The following SPEN variants were observed in gnomAD, a reference collection of about 807,000 sequenced individuals.
SPEN encodes the protein msx2-interacting protein.
A neutral mutation model predicts 269.9 loss-of-function variants in SPEN; 18 were observed. The ratio of observed to expected loss-of-function variants is 0.07; its 90% CI spans 0.05 to 0.10. SPEN has a LOEUF of 0.10. Among genes scored for constraint, SPEN ranks in the 10% least tolerant of loss-of-function variants. The pLI is 1.00. For missense variants in SPEN, 3,822 were observed against 4,631.2 expected (o/e 0.83, Z 5.07); for synonymous variants, 1,726 against 1,765.7 (o/e 0.98, Z 0.56).
Position 15,939,876 on chromosome 1 carries a change from C to T in SPEN, c.*449C>T, listed in dbSNP as rs1338877351. ...GTAGACACACATTGCAGACTCTTAA[C>T]GCAGGAAGGACTTCAAACTTCTGCT... On this transcript the variant is annotated 3_prime_UTR_variant, in exon 15 of 15. Transcript: ENST00000375759. This position sits in a 1 kb window ranked among gnomAD's most constrained non-coding sequence, Gnocchi z 4.1. The T allele has an allele frequency of 4.3e-6, 1 of 233,692 alleles. No homozygotes were observed. The highest frequency in any genetic ancestry group is 8.5e-6 in the Non-Finnish European group (1 of 118,104). The allele number at this position is 233,692 out of a possible 1,614,324, so 14.5% of individuals were successfully genotyped here.
chr1:15,908,557 G>T (rs1447597505), intron 3 of SPEN, among the ~76,000 whole-genome samples: 5 of 152,026 alleles, frequency 3.3e-5, no homozygotes, highest in Non-Finnish European at 7.4e-5. Context: ...CGAGTGGCTG[G>T]GACTGCAGGC....
intron 1 of SPEN, among the ~76,000 whole-genome samples, chr1:15,859,358 C>CTTTT (rs143092339): frequency 7.8e-5 from 9 of 115,594 alleles, no homozygotes; most frequent in African/African-American, 1.7e-4. Flanking sequence ...TTTTTCTTTT[C>CTTTT]TTTTTTTTTT....
chr1:15,848,903 C>G lies in SPEN; in HGVS notation c.83+753C>G, dbSNP rs144698940. ...GCCTCGGGTCGCACTCCCAGGCCGC[C>G]CTAAGACCCTGGTGCCCCCCACCCC... On this transcript the variant is annotated intron_variant, in intron 1 of 14. Transcript: ENST00000375759. The surrounding 1 kb of genome is among the most constrained non-coding windows in gnomAD (Gnocchi z 5.1). Among the ~76,000 whole-genome samples, 1,106 of 152,212 alleles carry G rather than the reference C, an allele frequency of 7.3e-3. 15 individuals carry two copies. Among genetic ancestry groups the G allele is most frequent in the African/African-American group, 0.025 (1,023 of 41,532 alleles).
intron 1 of SPEN, among the ~76,000 whole-genome samples, chr1:15,855,484 T>C (rs10803402): frequency 0.89 from 136,010 of 152,154 alleles, 61,171 homozygotes; most frequent in African/African-American, 0.96. Flanking sequence ...TACAAAACTA[T>C]ATTTAACATA....
chr1:15,924,172 T>C (rs943845162), intron 10 of SPEN, among the ~76,000 whole-genome samples: 2 of 152,206 alleles, frequency 1.3e-5, no homozygotes, highest in Admixed American at 6.5e-5. Context: ...CGTAAAATTA[T>C]GTGGCCACAT....
At chr1:15,878,304 G>A (rs1396142381) in intron 3 of SPEN, among the ~76,000 whole-genome samples, 3 of 152,168 alleles carry the variant, frequency 2.0e-5, no homozygotes, top group African/African-American at 7.2e-5. Flanking sequence ...TGGTCATGTA[G>A]TTGAATGTCT....
At chr1:15,938,073 C>T in intron 13 of SPEN, 67 bp downstream of exon 13, 1 of 1,360,628 alleles carries the variant, frequency 7.3e-7, no homozygotes, top group Non-Finnish European at 1.0e-6. Flanking sequence ...GTAGTCCCTG[C>T]CAGCCCATCT....
chr1:15,918,908 A>C lies in SPEN; in HGVS notation c.1396-18A>C, dbSNP rs770397313. On this transcript the variant is annotated intron_variant, in intron 6 of 14. Transcript: ENST00000375759. ...TTTCTTGGGCATATTGCTAAGTTGT[A>C]TTCATTGGTTTTTTCAGGATATTGA... is the stretch of plus-strand genomic sequence containing the variant. The C allele has an allele frequency of 6.3e-7, 1 of 1,597,650 alleles. No individual in the cohort carries two copies. Among genetic ancestry groups the C allele is most frequent in the African/African-American group, 1.3e-5 (1 of 74,694 alleles).
At position 15,931,678 on chromosome 1, in the gene SPEN, C is replaced by G. The variant is rs760021476; in HGVS notation, c.5438C>G (p.Ala1813Gly). Residue 1813 changes from alanine (A) to glycine (G), a missense_variant, in exon 11 of 15, where the codon GCA becomes GGA. Physicochemically the swap from Ala to Gly is moderately conservative, Grantham distance 60. Transcript: ENST00000375759. The surrounding 1 kb of genome is among the most constrained non-coding windows in gnomAD (Gnocchi z 4.8). ...TTAGAGGTTGATCCTCCAGTTGCTG[C>G]AAAGGATAAAAAGCCAAACAAAAGC... is the stretch of plus-strand genomic sequence containing the variant. ...EDLEVDPPVA[A>G]KDKKPNKSKR... is the part of the protein sequence containing the mutation. 1 of 1,614,168 alleles carries G rather than the reference C, an allele frequency of 6.2e-7. No individual in the cohort carries two copies. Among genetic ancestry groups the G allele is most frequent in the South Asian group, 1.1e-5 (1 of 91,080 alleles).
At chr1:15,875,935 C>T (rs1477146893) in intron 2 of SPEN, among the ~76,000 whole-genome samples, 3 of 152,120 alleles carry the variant, frequency 2.0e-5, no homozygotes, top group Non-Finnish European at 4.4e-5. Flanking sequence ...CAGAAAATCT[C>T]TAATAAAGTA....
At chr1:15,903,511 C>T (rs141294887) in intron 3 of SPEN, among the ~76,000 whole-genome samples, 2 of 152,292 alleles carry the variant, frequency 1.3e-5, no homozygotes, top group East Asian at 3.9e-4. Context: ...CCTTAGACTC[C>T]TAGGGAGCTG....
At chr1:15,920,496 A>T (rs1033563757) in intron 8 of SPEN, among the ~76,000 whole-genome samples, 1 of 152,192 alleles carries the variant, frequency 6.6e-6, no homozygotes, top group African/African-American at 2.4e-5. Context: ...TGTTGTTCTT[A>T]ATTTTTCCTT....
Position 15,930,605 on chromosome 1 carries a change from T to C in SPEN, c.4365T>C (p.Ser1455=). Residue 1455 remains serine, a synonymous_variant, in exon 11 of 15, where the codon TCT becomes TCC. Coordinates refer to ENST00000375759, the MANE Select transcript of SPEN (RefSeq NM_015001.3). This position sits in a 1 kb window ranked among gnomAD's most constrained non-coding sequence, Gnocchi z 5.3. ...TGCTTGAAAGAGCTAAATCCCTCTCTTCATCTCGTGAAGAAAATTGGTCTT... is the reference window on the plus strand; with the variant it reads ...TGCTTGAAAGAGCTAAATCCCTCTCCTCATCTCGTGAAGAAAATTGGTCTT... ...KALLERAKSL[S]SSREENWSFL... is the part of the protein sequence containing the mutation. 2 of 1,614,190 alleles carry C rather than the reference T, an allele frequency of 1.2e-6. No individual in the cohort carries two copies. Among genetic ancestry groups the C allele is most frequent in the South Asian group, 2.2e-5 (2 of 91,080 alleles).
intron 3 of SPEN, among the ~76,000 whole-genome samples, chr1:15,892,012 C>CTTTTTTTTTTTTTTTTTTTTTTTT (rs71003216): frequency 1.3e-5 from 1 of 74,566 alleles, no homozygotes; most frequent in Non-Finnish European, 2.4e-5. Context: ...TTTCTTTTTA[C>CTTTTTTTTTTTTTTTTTTTTTTTT]TTTTTTTTTT....
rs186407465 is a variant in SPEN at position 15,856,810 on chromosome 1, C to T, written c.83+8660C>T. Among the ~76,000 whole-genome samples the T allele has an allele frequency of 5.8e-4, 88 of 151,840 alleles. 1 individual carries two copies. The highest frequency in any genetic ancestry group is 1.9e-3 in the African/African-American group (78 of 41,398). ...CTTGAACTCCTGATCTTAGGTGATCCGCCCACCTCGACTTTACAATGTGCT... is the reference window on the plus strand; with the variant it reads ...CTTGAACTCCTGATCTTAGGTGATCTGCCCACCTCGACTTTACAATGTGCT... On this transcript the variant is annotated intron_variant, in intron 1 of 14. Transcript: ENST00000375759.
At chr1:15,868,218 G>T (rs1018448772) in intron 1 of SPEN, among the ~76,000 whole-genome samples, 1 of 151,252 alleles carries the variant, frequency 6.6e-6, no homozygotes, top group Non-Finnish European at 1.5e-5. Flanking sequence ...GTGTTGTGTA[G>T]GTGGGTCTGG....
In SPEN at chr1:15,876,581, G is replaced by A. The variant is rs767222154; in HGVS notation, c.784G>A (p.Ala262Thr). ...NQSPQRLASQ[A>T]SRPTRSPSGS... is the part of the protein sequence containing the mutation. ...GTCTCCTCAGAGACTGGCTAGCCAA[G>A]CATCTAGACCCACAAGGTCCCCTAG... Residue 262 changes from alanine to threonine, a missense_variant, in exon 3 of 15, where the codon GCA (alanine) becomes ACA (threonine). Physicochemically the swap from Ala to Thr is moderately conservative, Grantham distance 58 (BLOSUM62 0). Around this residue, in one of 16 missense-constraint regions of SPEN, gnomAD observed 327 missense variants for 350.8 expected, o/e 0.93. Transcript: ENST00000375759. The A allele has an allele frequency of 3.7e-5, 59 of 1,613,878 alleles. No homozygotes were observed. Among genetic ancestry groups the A allele is most frequent in the Middle Eastern group, 1.6e-4 (1 of 6,082 alleles).
chr1:15,932,632 A>T lies in SPEN; in HGVS notation c.6392A>T (p.Asp2131Val), dbSNP rs202073790. 51 of 1,611,214 alleles carry T rather than the reference A, an allele frequency of 3.2e-5. No individual in the cohort carries two copies. Among genetic ancestry groups the T allele is most frequent in the Non-Finnish European group, 4.3e-5 (51 of 1,178,136 alleles). ...AAAAGTGAGAGTCCCCAAAAGGAGG[A>T]TGGTTTATCATCCCAGTTGAAAAGT... is the stretch of plus-strand genomic sequence containing the variant. Reference protein sequence around the residue: ...PEKSESPQKEDGLSSQLKSDP... With the variant: ...PEKSESPQKEVGLSSQLKSDP... The change falls in exon 11 of 15, where the codon GAT (aspartate) becomes GTT (valine). Residue 2131 changes from aspartate to valine, a missense_variant. Physicochemically the swap from Asp to Val is radical, Grantham distance 152. This residue lies in a region of SPEN where 727 missense variants were observed against 737.9 expected (regional missense o/e 0.99). Transcript: ENST00000375759. This position sits in a 1 kb window ranked among gnomAD's most constrained non-coding sequence, Gnocchi z 4.2.
intron 3 of SPEN, among the ~76,000 whole-genome samples, chr1:15,888,926 G>A (rs866831393): frequency 6.6e-6 from 1 of 151,972 alleles, no homozygotes; most frequent in South Asian, 2.1e-4. Context: ...CACTGCGCCC[G>A]GCCAATCATT....
Sources: allele counts gnomAD v4.1 joint callset (sites outside exome capture counted in the v4.1 genomes callset), GRCh38; gene constraint gnomAD v4.1.1; regional missense constraint gnomAD v4.1.1; non-coding constraint Gnocchi (gnomAD v3.1); transcripts MANE v1.5; gene names NCBI Gene and HGNC (gene_info 2026-07-23, HGNC 2026-07-21).